ETV5: variants seen among roughly 807,000 people sequenced by gnomAD.
ETV5 encodes ETS variant transcription factor 5, also known as ETS translocation variant 5.
Under a neutral mutation model 70.0 loss-of-function variants are expected in ETV5, and 10 were observed. That is an observed-to-expected ratio of 0.14 (90% confidence interval 0.09 to 0.24). The LOEUF (loss-of-function observed/expected upper bound fraction) is 0.24. Among genes scored for constraint, ETV5 ranks in the 10% least tolerant of loss-of-function variants. The probability of loss-of-function intolerance (pLI) is 1.00; values close to 1 mark genes in which losing one functional copy is unlikely to be tolerated. For synonymous variants in ETV5, 216 were observed against 242.2 expected (o/e 0.89, Z 1.01); for missense variants, 453 against 651.2 (o/e 0.70, Z 3.31).
At chr3:186,087,957 A>G (rs1475472969) in intron 5 of ETV5, among the ~76,000 whole-genome samples, 1 of 151,222 alleles carries the variant, frequency 6.6e-6, no homozygotes, top group African/African-American at 2.4e-5. Context: ...TAAAACATTT[A>G]TGTAGCTGCT....
rs1378857917 is a variant in ETV5, at chr3:186,065,741, T to C, written c.910+72A>G. 7.6e-6 allele frequency: 12 copies of C among 1,579,652 alleles called. No homozygotes were observed. The African/African-American group carries it at 1.6e-4, about 21-fold the overall frequency. Reference sequence around the variant, plus strand: ...AAATTCCTGTCCCCAAGGCCCTGCATGTATAAGACACTGAATAACGAGACA... The same window carrying C: ...AAATTCCTGTCCCCAAGGCCCTGCACGTATAAGACACTGAATAACGAGACA... On this transcript the variant is annotated intron_variant, in intron 8 of 12. Transcript: ENST00000306376.
chr3:186,078,017 T>G, intron 7 of ETV5: 2 of 1,059,532 alleles, frequency 1.9e-6, no homozygotes, highest in Non-Finnish European at 2.3e-6. Flanking sequence ...CCTCCTCTCT[T>G]CCTTTCAACA....
chr3:186,090,006 A>G (rs1374731027), intron 5 of ETV5, among the ~76,000 whole-genome samples: 1 of 152,240 alleles, frequency 6.6e-6, no homozygotes. Context: ...TGGTTAAGAA[A>G]AAACCATATA....
chr3:186,065,018 C>T (rs943671116), intron 8 of ETV5, among the ~76,000 whole-genome samples: 4 of 152,148 alleles, frequency 2.6e-5, no homozygotes, highest in African/African-American at 9.7e-5. Flanking sequence ...TAGAGGATTG[C>T]AGTTTGGTCC....
At chr3:186,089,845 C>T (rs1210440007) in intron 5 of ETV5, among the ~76,000 whole-genome samples, 1 of 152,132 alleles carries the variant, frequency 6.6e-6, no homozygotes, top group Non-Finnish European at 1.5e-5. Flanking sequence ...ATCAACATTG[C>T]TAAAGAGATA....
chr3:186,101,730 T>C (rs1185146312), intron 5 of ETV5, among the ~76,000 whole-genome samples: 1 of 152,226 alleles, frequency 6.6e-6, no homozygotes, highest in Non-Finnish European at 1.5e-5. Flanking sequence ...TACATCTTCC[T>C]CTTACTTCAC....
At chr3:186,079,153 A>C in intron 7 of ETV5, 1 of 963,000 alleles carries the variant, frequency 1.0e-6, no homozygotes, top group Non-Finnish European at 1.3e-6. Context: ...CAAGCATCCG[A>C]GATTCTAGAA....
rs1712927550 is a variant in ETV5 at position 186,048,185 on chromosome 3, C to G, written c.*454G>C. On this transcript the variant is annotated 3_prime_UTR_variant, in exon 13 of 13. Coordinates refer to ENST00000306376, the MANE Select transcript of ETV5 (RefSeq NM_004454.3). ...TTTAACCCTTAATGGTTTGAGCCTC[C>G]CCAACTTAGCCTACTTACTTTTCTA... 4.1e-6 allele frequency: 1 copy of G among 245,222 alleles called. No homozygotes were observed. Among genetic ancestry groups the G allele is most frequent in the African/African-American group, 2.2e-5 (1 of 45,428 alleles). The allele number at this position is 245,222 out of a possible 1,614,324, so 15.2% of individuals were successfully genotyped here. A position where few individuals can be genotyped will look rare whatever the true frequency, so the allele number is the denominator to read the frequency against.
At chr3:186,076,259 A>G (rs544668264) in intron 7 of ETV5, 1 of 213,492 alleles carries the variant, frequency 4.7e-6, no homozygotes, top group South Asian at 1.9e-4. Context: ...TGCTAAGACT[A>G]TATAAAACAT....
intron 9 of ETV5, chr3:186,064,182 C>T (rs1713378257): frequency 3.5e-6 from 2 of 566,252 alleles, no homozygotes; most frequent in African/African-American, 3.8e-5. Context: ...ATGCTTGAAA[C>T]CCTGCGTGCA....
intron 5 of ETV5, among the ~76,000 whole-genome samples, chr3:186,087,706 C>T (rs895792398): frequency 1.3e-5 from 2 of 152,010 alleles, no homozygotes; most frequent in Non-Finnish European, 2.9e-5. Context: ...CAAGTACAGG[C>T]CTGTGGACTG....
chr3:186,084,112 C>A, intron 5 of ETV5: 1 of 367,444 alleles, frequency 2.7e-6, no homozygotes, highest in Non-Finnish European at 5.4e-6. Flanking sequence ...CAGCACCTTG[C>A]AGATGGTGCT....
At chr3:186,101,376 CT>C (rs1427651581) in intron 5 of ETV5, among the ~76,000 whole-genome samples, 1 of 152,188 alleles carries the variant, frequency 6.6e-6, no homozygotes, top group Non-Finnish European at 1.5e-5. Context: ...TAACCTCGAA[CT>C]CCTAGGCTCA....
At chr3:186,101,587 A>G (rs537742465) in intron 5 of ETV5, among the ~76,000 whole-genome samples, 1 of 152,366 alleles carries the variant, frequency 6.6e-6, no homozygotes, top group East Asian at 1.9e-4. Flanking sequence ...TTGGACAGCC[A>G]GAGGCCTCCC....
intron 5 of ETV5, among the ~76,000 whole-genome samples, chr3:186,093,610 C>A (rs1444307398): frequency 6.6e-6 from 1 of 152,210 alleles, no homozygotes; most frequent in African/African-American, 2.4e-5. Context: ...TGGAAGTCGG[C>A]TTGGGAGGTT....
rs1713893713 is a variant in ETV5 at position 186,080,020 on chromosome 3, T to C, written c.447A>G (p.Leu149=). The C allele has an allele frequency of 3.4e-6, 5 of 1,485,248 alleles. No individual in the cohort carries two copies. The highest frequency in any genetic ancestry group is 1.8e-6 in the Non-Finnish European group (2 of 1,122,938). 92.0% of individuals were successfully genotyped at this position (1,485,248 alleles called of 1,614,324 possible). The change falls in exon 7 of 13, where the codon CTA becomes CTG. Residue 149 remains leucine, a synonymous_variant. Transcript: ENST00000306376. ...GCAGAGTTGCCTGAGGTGGGGGAAA[T>C]AGGGGATTCTGATGGGTGGGTGAGA... The part of the protein sequence containing the change: ...TPLSPTHQNP[L]FPPPQATLPT...
intron 7 of ETV5, among the ~76,000 whole-genome samples, chr3:186,069,410 G>A (rs933029220): frequency 5.3e-5 from 8 of 151,568 alleles, no homozygotes; most frequent in African/African-American, 9.7e-5. Context: ...GTAAATTCCC[G>A]TCTCAGGTTT....
At chr3:186,094,679 C>T (rs1317372940) in intron 5 of ETV5, among the ~76,000 whole-genome samples, 1 of 152,186 alleles carries the variant, frequency 6.6e-6, no homozygotes, top group African/African-American at 2.4e-5. Flanking sequence ...ATTAGACCAA[C>T]TTCGATTGAA....
chr3:186,061,089 C>T (rs771190444), intron 9 of ETV5, among the ~76,000 whole-genome samples: 2 of 152,136 alleles, frequency 1.3e-5, no homozygotes, highest in Admixed American at 6.6e-5. Context: ...CAAGTGAGTG[C>T]GAAGCAGCTA....
Sources: gnomAD v4.1 joint callset for allele counts (sites outside exome capture counted in the v4.1 genomes callset) on GRCh38, gnomAD v4.1.1 for gene constraint, MANE v1.5 for transcripts, NCBI Gene and HGNC (gene_info 2026-07-23, HGNC 2026-07-21) for gene names.